The following SRPK1 variants were observed in gnomAD, a reference collection of about 807,000 sequenced individuals.
The protein encoded by SRPK1 is SRSF protein kinase 1, also known as SFRS protein kinase 1.
SRPK1 carries 52 observed loss-of-function variants against 89.5 expected under a neutral mutation model. The observed-to-expected ratio is 0.58, with a 90% CI of 0.46 to 0.73. SRPK1 has a LOEUF of 0.73. Among genes scored for constraint, SRPK1 ranks in the 30% least tolerant of loss-of-function variants. SRPK1 has a pLI of 0.00. For synonymous variants in SRPK1, 255 were observed against 270.2 expected (o/e 0.94, Z 0.55); for missense variants, 603 against 780.6 (o/e 0.77, Z 2.71).
chr6:35,917,223 T>C (rs1771129634), intron 2 of SRPK1, among the ~76,000 whole-genome samples: 1 of 152,220 alleles, frequency 6.6e-6, no homozygotes, highest in African/African-American at 2.4e-5. Context: ...CAGTATGTCA[T>C]GAAAGGGCAC....
intron 14 of SRPK1, among the ~76,000 whole-genome samples, chr6:35,839,931 G>C (rs1350290109): frequency 1.3e-5 from 2 of 151,854 alleles, no homozygotes; most frequent in African/African-American, 2.4e-5. Flanking sequence ...TGCCGCCTTG[G>C]CCTCCCAAAA....
chr6:35,839,600 A>C (rs1222086544), intron 14 of SRPK1, among the ~76,000 whole-genome samples: 1 of 151,930 alleles, frequency 6.6e-6, no homozygotes, highest in Non-Finnish European at 1.5e-5. Context: ...TCTGGGACCA[A>C]CCAGTACACA....
intron 13 of SRPK1, among the ~76,000 whole-genome samples, chr6:35,847,150 G>C (rs938676771): frequency 6.6e-6 from 1 of 152,184 alleles, no homozygotes; most frequent in Non-Finnish European, 1.5e-5. Context: ...CCTTACTAGA[G>C]CAATTAAAAG....
At chr6:35,874,018 G>A (rs1275891801) in intron 7 of SRPK1, among the ~76,000 whole-genome samples, 1 of 150,414 alleles carries the variant, frequency 6.6e-6, no homozygotes, top group Non-Finnish European at 1.5e-5. Context: ...GAGTAGAGAG[G>A]AGGTTTCACC....
At chr6:35,867,184 T>C (rs1287664513) in intron 12 of SRPK1, among the ~76,000 whole-genome samples, 2 of 152,018 alleles carry the variant, frequency 1.3e-5, no homozygotes, top group Non-Finnish European at 2.9e-5. Context: ...ATCACTCTGA[T>C]AGATGTGTTG....
At chr6:35,908,307 T>A (rs1232609360) in intron 2 of SRPK1, among the ~76,000 whole-genome samples, 3 of 152,178 alleles carry the variant, frequency 2.0e-5, no homozygotes, top group Non-Finnish European at 4.4e-5. Flanking sequence ...TCCTAGAGAC[T>A]TGCACTATTT....
chr6:35,913,392 T>A (rs764074275), intron 2 of SRPK1, among the ~76,000 whole-genome samples: 3 of 152,124 alleles, frequency 2.0e-5, no homozygotes, highest in Non-Finnish European at 4.4e-5. Flanking sequence ...GGAGAATCAC[T>A]TGAATTCACT....
At chr6:35,866,450 C>T (rs975924467) in intron 12 of SRPK1, among the ~76,000 whole-genome samples, 10 of 151,932 alleles carry the variant, frequency 6.6e-5, no homozygotes, top group East Asian at 1.9e-4. Context: ...CCGGCTGTGG[C>T]GGCACGTGCC....
chr6:35,884,788 G>A (rs1457625214), intron 6 of SRPK1, among the ~76,000 whole-genome samples: 3 of 152,066 alleles, frequency 2.0e-5, no homozygotes, highest in Non-Finnish European at 4.4e-5. Flanking sequence ...ATCACCTGAG[G>A]TCAGGGGTTT....
intron 9 of SRPK1, 43 bp downstream of exon 9, chr6:35,870,891 A>G (rs1165055325): frequency 1.2e-5 from 19 of 1,523,236 alleles, no homozygotes; most frequent in Non-Finnish European, 1.7e-5. Flanking sequence ...CCATGCCCAT[A>G]GTCCATAGAT....
chr6:35,919,990 T>G, intron 2 of SRPK1: 1 of 441,626 alleles, frequency 2.3e-6, no homozygotes, highest in South Asian at 1.6e-5. Flanking sequence ...CCCTCCTCTA[T>G]GAAAGGGAGT....
chr6:35,879,155 C>T (rs1036511460), intron 6 of SRPK1, among the ~76,000 whole-genome samples: 4 of 152,122 alleles, frequency 2.6e-5, no homozygotes, highest in Admixed American at 6.6e-5. Flanking sequence ...AAAGTGACTG[C>T]GCATGCCCAG....
intron 13 of SRPK1, among the ~76,000 whole-genome samples, chr6:35,855,207 CAGG>C (rs1310906184): frequency 1.3e-5 from 2 of 151,960 alleles, no homozygotes; most frequent in Non-Finnish European, 1.5e-5. Flanking sequence ...GAAGCTGAGG[CAGG>C]AGAATGGCGT....
chr6:35,842,487 G>A, intron 14 of SRPK1, 48 bp downstream of exon 14: 2 of 1,459,528 alleles, frequency 1.4e-6, no homozygotes, highest in Non-Finnish European at 1.9e-6. Context: ...AGCTTAATGT[G>A]GAAAGTGTAA....
At chr6:35,884,499 G>A (rs1770362711) in intron 6 of SRPK1, among the ~76,000 whole-genome samples, 1 of 152,196 alleles carries the variant, frequency 6.6e-6, no homozygotes, top group South Asian at 2.1e-4. Context: ...AGGCAGGAGA[G>A]TGACATGAGC....
At chr6:35,916,127 G>C (rs1376781318) in intron 2 of SRPK1, among the ~76,000 whole-genome samples, 2 of 151,068 alleles carry the variant, frequency 1.3e-5, no homozygotes, top group African/African-American at 4.9e-5. Flanking sequence ...GAGAAACTGA[G>C]ACAGGAGAAT....
chr6:35,869,216 G>T, intron 11 of SRPK1, 106 bp from the exon 12 acceptor site: 1 of 991,360 alleles, frequency 1.0e-6, no homozygotes, highest in Non-Finnish European at 1.5e-6. Context: ...CAATACCCAA[G>T]TGACAACTTA....
intron 6 of SRPK1, among the ~76,000 whole-genome samples, chr6:35,883,446 T>C (rs762435780): frequency 5.5e-5 from 8 of 144,722 alleles, no homozygotes; most frequent in Non-Finnish European, 1.2e-4. Context: ...AACAAGATTA[T>C]TTAAAATGCA....
chr6:35,861,586 A>T (rs1159694395), intron 12 of SRPK1, among the ~76,000 whole-genome samples: 2 of 152,204 alleles, frequency 1.3e-5, no homozygotes, highest in Non-Finnish European at 2.9e-5. Flanking sequence ...TGAGTGGACC[A>T]CATTCCCCAC....
Sources: allele counts gnomAD v4.1 joint callset (sites outside exome capture counted in the v4.1 genomes callset), GRCh38; gene constraint gnomAD v4.1.1; transcripts MANE v1.5; gene names NCBI Gene and HGNC (gene_info 2026-07-23, HGNC 2026-07-21).